ATP13A5: variants seen among roughly 807,000 people sequenced by gnomAD.
ATP13A5 encodes the protein ATPase 13A5, also known as probable cation-transporting ATPase 13A5.
ATP13A5 carries 149 observed loss-of-function variants against 150.2 expected under a neutral mutation model. The ratio of observed to expected loss-of-function variants is 0.99; its 90% CI spans 0.87 to 1.14. The LOEUF (loss-of-function observed/expected upper bound fraction) is 1.14, where lower values mean the gene tolerates loss of function less well. Among genes scored for constraint, ATP13A5 ranks in the 50% most tolerant of loss-of-function variants. The pLI, the probability that ATP13A5 is intolerant of heterozygous loss-of-function variation, is 0.00. For missense variants in ATP13A5, 1,383 were observed against 1,449.3 expected (o/e 0.95, Z 0.74); for synonymous variants, 497 against 522.2 (o/e 0.95, Z 0.66).
At position 193,351,211 on chromosome 3, in the gene ATP13A5, C is replaced by A; in HGVS notation, c.607-10G>T. 1 of 1,613,110 alleles carries A rather than the reference C, an allele frequency of 6.2e-7. No homozygotes were observed. Among genetic ancestry groups the A allele is most frequent in the Non-Finnish European group, 8.5e-7 (1 of 1,179,444 alleles). On this transcript the variant is annotated splice_polypyrimidine_tract_variant and intron_variant, in intron 6 of 29. Coordinates refer to ENST00000342358, the MANE Select transcript of ATP13A5 (RefSeq NM_198505.4). ...AGAATGGATTTAAAACCTGCAGGCA[C>A]AAAAATGGCATTTGGGTCACTTGCA...
chr3:193,283,558 A>G (rs1476111163), intron 27 of ATP13A5, among the ~76,000 whole-genome samples: 1 of 152,220 alleles, frequency 6.6e-6, no homozygotes, highest in South Asian at 2.1e-4. Context: ...CTAAAATCTT[A>G]TCAGACCAGC....
At chr3:193,329,462 C>T (rs1209177125) in intron 12 of ATP13A5, among the ~76,000 whole-genome samples, 1 of 42,030 alleles carries the variant, frequency 2.4e-5, no homozygotes, top group Non-Finnish European at 4.4e-5. Context: ...AAGTGAACAG[C>T]CTCGGGAAAA....
chr3:193,274,928 T>C lies in ATP13A5; in HGVS notation c.*114A>G. ...GGTTTAATTCATTGAAAATATACTTTGAATGCTTGAATGGAGAGAGGAAAG... is the reference window on the plus strand; with the variant it reads ...GGTTTAATTCATTGAAAATATACTTCGAATGCTTGAATGGAGAGAGGAAAG... On this transcript the variant is annotated 3_prime_UTR_variant, in exon 30 of 30. Transcript: ENST00000342358. The C allele has an allele frequency of 7.0e-7, 1 of 1,419,446 alleles. No individual in the cohort carries two copies. The highest frequency in any genetic ancestry group is 9.6e-7 in the Non-Finnish European group (1 of 1,039,964). The allele number at this position is 1,419,446 out of a possible 1,614,324, so 87.9% of individuals were successfully genotyped here. A position where few individuals can be genotyped will look rare whatever the true frequency, so the allele number is the denominator to read the frequency against.
chr3:193,297,603 T>G (rs191566259), intron 25 of ATP13A5, among the ~76,000 whole-genome samples: 321 of 152,236 alleles, frequency 2.1e-3, no homozygotes, highest in Non-Finnish European at 3.5e-3. Flanking sequence ...AATGTTATGC[T>G]TCTGGTCTAT....
At chr3:193,318,913 C>A in intron 17 of ATP13A5, 78 bp downstream of exon 17, 1 of 972,646 alleles carries the variant, frequency 1.0e-6, no homozygotes, top group Admixed American at 1.7e-5. Context: ...GTGATTAGAA[C>A]TGTTCATCTG....
intron 2 of ATP13A5, 144 bp from the exon 3 acceptor site, chr3:193,363,526 C>G: frequency 1.4e-6 from 1 of 721,172 alleles, no homozygotes; most frequent in Non-Finnish European, 2.2e-6. Context: ...AATGCAAATT[C>G]TCAGCCCCAC....
At position 193,276,349 on chromosome 3, in the gene ATP13A5, C is replaced by T. The variant is rs151107254; in HGVS notation, c.3396+401G>A. On this transcript the variant is annotated intron_variant, in intron 29 of 29. Transcript: ENST00000342358. ...AAAAGGAATTGACTAGAATAAGCAA[C>T]GGCTTCTCCTCTTTCTTATGGAAAC... is the stretch of plus-strand genomic sequence containing the variant. 5.8e-3 allele frequency among the ~76,000 whole-genome samples: 890 copies of T among 152,268 alleles called. 11 individuals are homozygous for T. Among genetic ancestry groups the T allele is most frequent in the African/African-American group, 0.02 (840 of 41,550 alleles).
intron 1 of ATP13A5, among the ~76,000 whole-genome samples, chr3:193,369,748 T>C (rs1713378179): frequency 6.6e-6 from 1 of 152,332 alleles, no homozygotes; most frequent in Middle Eastern, 3.4e-3. Flanking sequence ...AAGTGAGTTT[T>C]GCCACCTATT....
chr3:193,335,573 T>A (rs1433025927), intron 9 of ATP13A5, among the ~76,000 whole-genome samples: 2 of 152,200 alleles, frequency 1.3e-5, no homozygotes, highest in African/African-American at 2.4e-5. Flanking sequence ...AGGAATATGA[T>A]GAACAAGAGA....
chr3:193,279,596 A>G, intron 27 of ATP13A5, 142 bp from the exon 28 acceptor site: 1 of 640,768 alleles, frequency 1.6e-6, no homozygotes, highest in East Asian at 2.8e-5. Flanking sequence ...ATGTTTTGAA[A>G]TATGTTCTAA....
rs6788638 is a variant in ATP13A5 at position 193,318,860 on chromosome 3, G to A, written c.2033+131C>T. 1,248 of 663,148 alleles carry A rather than the reference G, an allele frequency of 1.9e-3. 16 individuals are homozygous for A. The African/African-American group carries it at 0.02, about 11-fold the overall frequency. The allele number at this position is 663,148 out of a possible 1,614,324, so 41.1% of individuals were successfully genotyped here. On this transcript the variant is annotated intron_variant, in intron 17 of 29. Coordinates refer to ENST00000342358, the MANE Select transcript of ATP13A5 (RefSeq NM_198505.4). ...CTACAATTATCCATCTCTGAGTCAGGGGACTGTACAAGATTAATTCTCTGT... is the reference window on the plus strand; with the variant it reads ...CTACAATTATCCATCTCTGAGTCAGAGGACTGTACAAGATTAATTCTCTGT...
At chr3:193,343,293 C>T (rs959562779) in intron 9 of ATP13A5, among the ~76,000 whole-genome samples, 2 of 152,200 alleles carry the variant, frequency 1.3e-5, no homozygotes, top group African/African-American at 4.8e-5. Context: ...TAAGTAGTAT[C>T]TTACTAATTA....
chr3:193,285,091 T>A lies in ATP13A5; in HGVS notation c.3049A>T (p.Asn1017Tyr), dbSNP rs756271448. 3.7e-6 allele frequency: 6 copies of A among 1,613,906 alleles called. No individual in the cohort carries two copies. The highest frequency in any genetic ancestry group is 5.1e-6 in the Non-Finnish European group (6 of 1,179,934). ...TCCAAACTCACATTTGTTGAAAAAT[T>A]ACTTTGGTTGGCCAGAAAACACTCA... ...YSECFLANQS[N>Y]FSTNVSLERN... is the part of the protein sequence containing the mutation. The change falls in exon 27 of 30, where the codon AAT becomes TAT. Residue 1017 changes from asparagine to tyrosine, a missense_variant. By Grantham distance (143) the Asn-to-Tyr change is moderately radical (BLOSUM62 -2). Transcript: ENST00000342358.
chr3:193,278,050 C>A (rs985192946), intron 28 of ATP13A5, among the ~76,000 whole-genome samples: 1 of 152,114 alleles, frequency 6.6e-6, no homozygotes, highest in Non-Finnish European at 1.5e-5. Flanking sequence ...GTGATCCACC[C>A]GCCTTGGCCT....
chr3:193,305,538 G>A, intron 23 of ATP13A5, 21 bp downstream of exon 23: 1 of 1,590,218 alleles, frequency 6.3e-7, no homozygotes, highest in South Asian at 1.1e-5. Context: ...TGTAGGGCTG[G>A]AAGAGGAAAA....
chr3:193,290,901 T>G (rs1334924700), intron 25 of ATP13A5, among the ~76,000 whole-genome samples: 1 of 152,124 alleles, frequency 6.6e-6, no homozygotes, highest in African/African-American at 2.4e-5. Context: ...ATTTAAAGAC[T>G]GATATTGTAG....
Position 193,354,940 on chromosome 3 carries a change from C to CTTTTTTTTTT in ATP13A5, c.537-745_537-744insAAAAAAAAAA, listed in dbSNP as rs545467259. Among the ~76,000 whole-genome samples the CTTTTTTTTTT allele has an allele frequency of 3.7e-3, 472 of 127,942 alleles. 12 individuals carry two copies. The highest frequency in any genetic ancestry group is 0.013 in the African/African-American group (430 of 33,580). The allele number at this position is 127,942 out of a possible 152,430, so 83.9% of individuals were successfully genotyped here. Reference sequence around the variant, plus strand: ...TCTAGTATGAATCACAACAATGTAACTTTTTTTTTGAGATGGAGTTTCACT... The same window carrying CTTTTTTTTTT: ...TCTAGTATGAATCACAACAATGTAACTTTTTTTTTTTTTTTTTTTGAGATGGAGTTTCACT... On this transcript the variant is annotated intron_variant, in intron 5 of 29. Coordinates refer to ENST00000342358, the MANE Select transcript of ATP13A5 (RefSeq NM_198505.4).
At chr3:193,312,863 A>C (rs1185564287) in intron 19 of ATP13A5, 1 of 152,210 alleles carries the variant, frequency 6.6e-6, no homozygotes, top group Non-Finnish European at 1.5e-5. Flanking sequence ...CATGTTCTAA[A>C]GCATCCCTCC....
chr3:193,314,842 T>A, intron 18 of ATP13A5, 130 bp downstream of exon 18: 1 of 1,204,888 alleles, frequency 8.3e-7, no homozygotes, highest in Non-Finnish European at 1.2e-6. Context: ...GGTAAGGGAC[T>A]ACAGGGTAAC....
Sources: allele counts gnomAD v4.1 joint callset (sites outside exome capture counted in the v4.1 genomes callset), GRCh38; gene constraint gnomAD v4.1.1; transcripts MANE v1.5; gene names NCBI Gene and HGNC (gene_info 2026-07-23, HGNC 2026-07-21).